Variants in PDE10A observed in about 807,000 individuals in gnomAD.
PDE10A encodes phosphodiesterase 10A.
In PDE10A, 39 loss-of-function variants were observed where a neutral mutation model predicts 97.7. The observed-to-expected ratio is 0.40, with a 90% confidence interval of 0.31 to 0.52. The LOEUF (loss-of-function observed/expected upper bound fraction) is 0.52, where lower values mean the gene tolerates loss of function less well. Among genes scored for constraint, PDE10A ranks in the 20% least tolerant of loss-of-function variants. The probability of loss-of-function intolerance (pLI) is 0.56; values close to 1 mark genes in which losing one functional copy is unlikely to be tolerated. For missense variants in PDE10A, 731 were observed against 1,047.8 expected (o/e 0.70, Z 4.17); for synonymous variants, 371 against 376.8 (o/e 0.98, Z 0.18).
intron 10 of PDE10A, among the ~76,000 whole-genome samples, chr6:165,423,265 C>T (rs1333656535): frequency 6.6e-6 from 1 of 152,140 alleles, no homozygotes; most frequent in Non-Finnish European, 1.5e-5. Flanking sequence ...TTATCTCACA[C>T]TAATTTGAGT....
intron 1 of PDE10A, among the ~76,000 whole-genome samples, chr6:165,924,985 A>G (rs1376657986): frequency 6.7e-6 from 1 of 149,412 alleles, no homozygotes; most frequent in Non-Finnish European, 1.5e-5. Flanking sequence ...GGCAAGCTAC[A>G]GACTGAGGGG....
intron 2 of PDE10A, among the ~76,000 whole-genome samples, chr6:165,529,104 CACA>C (rs2128313507): frequency 6.6e-6 from 1 of 152,264 alleles, no homozygotes; most frequent in Non-Finnish European, 1.5e-5. Context: ...CACCAGGACT[CACA>C]ACAACGATTC....
intron 1 of PDE10A, among the ~76,000 whole-genome samples, chr6:165,916,191 T>C (rs775781825): frequency 9.2e-5 from 14 of 152,250 alleles, no homozygotes; most frequent in Non-Finnish European, 1.8e-4. Flanking sequence ...CTGATGCCAG[T>C]TCCTAATTTG....
intron 1 of PDE10A, among the ~76,000 whole-genome samples, chr6:165,727,290 C>T (rs576515762): frequency 6.0e-4 from 92 of 152,320 alleles, no homozygotes; most frequent in African/African-American, 2.1e-3. Context: ...GATTTCCCTT[C>T]GCTTAGGGTC....
At chr6:165,897,348 C>T (rs1475978774) in intron 1 of PDE10A, among the ~76,000 whole-genome samples, 1 of 151,916 alleles carries the variant, frequency 6.6e-6, no homozygotes, top group African/African-American at 2.4e-5. Context: ...GGGAGGGATG[C>T]CATACAGGGA....
At chr6:165,701,351 G>T (rs1019883045) in intron 1 of PDE10A, among the ~76,000 whole-genome samples, 4 of 152,208 alleles carry the variant, frequency 2.6e-5, no homozygotes, top group Non-Finnish European at 1.5e-5. Flanking sequence ...GACACAATTT[G>T]CCACTGTCAC....
intron 1 of PDE10A, among the ~76,000 whole-genome samples, chr6:165,835,841 A>T (rs1268691413): frequency 6.6e-6 from 1 of 152,156 alleles, no homozygotes; most frequent in African/African-American, 2.4e-5. Context: ...GGGCAAAGCC[A>T]GGCAGAGTAA....
chr6:165,837,054 TGGGGGGA>T (rs1486922355), intron 1 of PDE10A, among the ~76,000 whole-genome samples: 1 of 58,474 alleles, frequency 1.7e-5, no homozygotes, highest in African/African-American at 7.2e-5. Context: ...TGTTGTGGGG[TGGGGGGA>T]GGGGGGAGGG....
chr6:165,349,190 A>G (rs767611610), intron 18 of PDE10A, among the ~76,000 whole-genome samples: 3 of 152,174 alleles, frequency 2.0e-5, no homozygotes, highest in Non-Finnish European at 2.9e-5. Flanking sequence ...GGAATTTCCT[A>G]GAGACTTGGA....
intron 1 of PDE10A, among the ~76,000 whole-genome samples, chr6:165,958,561 GAA>G (rs1491090303): frequency 0.022 from 293 of 13,286 alleles, 21 homozygotes; most frequent in African/African-American, 0.071. Context: ...AAGAAAGAAA[GAA>G]AGACAGACAG....
chr6:165,901,926 G>A (rs989272892), intron 1 of PDE10A, among the ~76,000 whole-genome samples: 13 of 152,104 alleles, frequency 8.5e-5, no homozygotes, highest in South Asian at 8.3e-4. Context: ...TGATATGCAC[G>A]GTTGAGGTCA....
chr6:165,585,477 C>T (rs1576185), intron 1 of PDE10A, among the ~76,000 whole-genome samples: 121,926 of 152,086 alleles, frequency 0.8, 51,682 homozygotes, highest in Non-Finnish European at 0.95. Flanking sequence ...TGCAATCACA[C>T]GTATCCTTAA....
At chr6:165,908,268 T>C (rs2500481) in intron 1 of PDE10A, among the ~76,000 whole-genome samples, 121,431 of 152,214 alleles carry the variant, frequency 0.8, 48,752 homozygotes, top group East Asian at 0.97. Context: ...TTCACACACC[T>C]GGGAAGGCTG....
rs904094591 is a variant in PDE10A, at chr6:165,746,205, G to T, written c.-614-202637C>A. Among the ~76,000 whole-genome samples, 11 of 152,136 alleles carry T rather than the reference G, an allele frequency of 7.2e-5. 1 individual carries two copies. The highest frequency in any genetic ancestry group is 2.7e-4 in the African/African-American group (11 of 41,414). On this transcript the variant is annotated intron_variant, in intron 1 of 19. Coordinates refer to the PDE10A transcript ENST00000366882. The stretch of plus-strand genomic sequence containing the variant: ...AGAAAACATTTATGATGACCAAAGA[G>T]ATATAAATAGCACCAAAAAAATACC...
At chr6:165,583,129 A>G (rs560608664) in intron 1 of PDE10A, among the ~76,000 whole-genome samples, 2 of 152,304 alleles carry the variant, frequency 1.3e-5, no homozygotes, top group East Asian at 3.9e-4. Context: ...CCATTTACTA[A>G]ATCATTTAAT....
At position 165,475,636 on chromosome 6, in the gene PDE10A, C is replaced by T. The variant is rs192775903; in HGVS notation, c.1023+6679G>A. 6.6e-5 allele frequency among the ~76,000 whole-genome samples: 10 copies of T among 152,300 alleles called. No individual in the cohort carries two copies. In the East Asian group the frequency reaches 1.7e-3, roughly 26 times the overall value. On this transcript the variant is annotated intron_variant, in intron 3 of 21. Transcript: ENST00000539869. Reference sequence around the variant, plus strand: ...TGCGGGAAGTAATGACACAAGATCCCATTTAATATGCTGAGAGTTGGATGT... The same window carrying T: ...TGCGGGAAGTAATGACACAAGATCCTATTTAATATGCTGAGAGTTGGATGT...
chr6:165,920,277 C>T (rs1782718551), intron 1 of PDE10A, among the ~76,000 whole-genome samples: 1 of 152,120 alleles, frequency 6.6e-6, no homozygotes, highest in Non-Finnish European at 1.5e-5. Flanking sequence ...TAAATGTATG[C>T]CATGATCAAG....
intron 1 of PDE10A, among the ~76,000 whole-genome samples, chr6:165,749,808 T>C (rs1300621463): frequency 6.6e-6 from 1 of 152,258 alleles, no homozygotes; most frequent in Non-Finnish European, 1.5e-5. Context: ...AGCTATTGAT[T>C]CTGAAATGCC....
At chr6:165,741,787 G>A (rs1427988174) in intron 1 of PDE10A, among the ~76,000 whole-genome samples, 1 of 152,020 alleles carries the variant, frequency 6.6e-6, no homozygotes, top group Non-Finnish European at 1.5e-5. Context: ...AAATAGCAAG[G>A]TTTATCCATG....
Sources: gnomAD v4.1 joint callset for allele counts (sites outside exome capture counted in the v4.1 genomes callset) on GRCh38, gnomAD v4.1.1 for gene constraint, MANE v1.5 for transcripts, NCBI Gene and HGNC (gene_info 2026-07-23, HGNC 2026-07-21) for gene names.